Variants in UNC13C observed in about 807,000 individuals in gnomAD.
The protein encoded by UNC13C is protein unc-13 homolog C.
Under a neutral mutation model 245.4 loss-of-function variants are expected in UNC13C, and 174 were observed. That is an observed-to-expected ratio of 0.71 (90% CI 0.63 to 0.80). UNC13C has a LOEUF of 0.80. Ranked by LOEUF, UNC13C falls within the 30% of genes least tolerant of loss-of-function variation. UNC13C has a pLI of 0.00. For missense variants in UNC13C, 2,829 were observed against 2,602.9 expected, an observed-to-expected ratio of 1.09 and a Z score of -1.89; for synonymous variants, 992 against 895.1, an observed-to-expected ratio of 1.11 and a Z score of -1.93.
At chr15:53,937,870 G>A in the UNC13C span, among the ~76,000 whole-genome samples, 1 of 152,138 alleles carries the variant, frequency 6.6e-6, no homozygotes, top group Non-Finnish European at 1.5e-5. Context: ...CCTTGTGAGA[G>A]GTCCCGAAGG....
chr15:53,863,183 G>C, the UNC13C span, among the ~76,000 whole-genome samples: 18 of 152,180 alleles, frequency 1.2e-4, no homozygotes, highest in Non-Finnish European at 2.4e-4. Flanking sequence ...AGAGGTGACA[G>C]GTCCCAAGCA....
intron 8 of UNC13C, 99 bp downstream of exon 8, chr15:54,250,543 T>A: frequency 1.9e-6 from 2 of 1,072,152 alleles, no homozygotes; most frequent in South Asian, 3.3e-5. Flanking sequence ...TGTCAAGAAA[T>A]CCTACCCGCT....
chr15:54,092,951 C>G (rs1332655015), intron 2 of UNC13C, among the ~76,000 whole-genome samples: 2 of 152,088 alleles, frequency 1.3e-5, no homozygotes, highest in African/African-American at 4.8e-5. Flanking sequence ...GACACAAAAT[C>G]TTCCTCTGAG....
At chr15:54,179,211 GT>G (rs1235463360) in intron 4 of UNC13C, among the ~76,000 whole-genome samples, 2 of 152,042 alleles carry the variant, frequency 1.3e-5, no homozygotes, top group Admixed American at 6.6e-5. Flanking sequence ...GATCCTTTAT[GT>G]TTCCTTAATA....
chr15:54,395,140 G>A (rs1384197358), intron 18 of UNC13C, among the ~76,000 whole-genome samples: 1 of 151,588 alleles, frequency 6.6e-6, no homozygotes, highest in Non-Finnish European at 1.5e-5. Flanking sequence ...TAAGGATGCT[G>A]TAAAACTTTT....
At chr15:54,060,632 G>A (rs1355221404) in intron 2 of UNC13C, among the ~76,000 whole-genome samples, 1 of 151,890 alleles carries the variant, frequency 6.6e-6, no homozygotes, top group Non-Finnish European at 1.5e-5. Context: ...ATACCCAAAG[G>A]ATTATAAATC....
chr15:54,090,956 G>A (rs1456537628), intron 2 of UNC13C, among the ~76,000 whole-genome samples: 1 of 151,816 alleles, frequency 6.6e-6, no homozygotes, highest in African/African-American at 2.4e-5. Context: ...TGAGGCCTCT[G>A]TGCAGAGAGA....
chr15:54,627,129 C>CTAAATACA lies in UNC13C; in HGVS notation c.*20_*27dup. The CTAAATACA allele has an allele frequency of 6.3e-7, 1 of 1,594,914 alleles. No homozygotes were observed. The highest frequency in any genetic ancestry group is 1.1e-5 in the South Asian group (1 of 88,186). The stretch of plus-strand genomic sequence containing the variant: ...GAGTGCTTGAAACAAACACTGCAAG[C>CTAAATACA]TAAATACATAACTATAATTGTTTGA... On this transcript the variant is annotated 3_prime_UTR_variant, in exon 33 of 33. Coordinates refer to ENST00000260323, the MANE Select transcript of UNC13C (RefSeq NM_001080534.3).
chr15:54,624,188 TAA>T (rs1264214860), intron 32 of UNC13C, among the ~76,000 whole-genome samples: 2 of 151,882 alleles, frequency 1.3e-5, no homozygotes, highest in East Asian at 3.8e-4. Context: ...TGCACTCATA[TAA>T]GTTACTTTCT....
chr15:54,581,520 TGA>T (rs564498026), intron 30 of UNC13C, among the ~76,000 whole-genome samples: 195 of 152,320 alleles, frequency 1.3e-3, no homozygotes, highest in African/African-American at 4.5e-3. Context: ...TTCACATGGC[TGA>T]GAGAGAGATC....
intron 19 of UNC13C, among the ~76,000 whole-genome samples, chr15:54,456,350 C>T (rs1369469348): frequency 6.6e-6 from 1 of 151,990 alleles, no homozygotes; most frequent in African/African-American, 2.4e-5. Flanking sequence ...TTTTTGGTTC[C>T]ATATGAACTT....
intron 19 of UNC13C, among the ~76,000 whole-genome samples, chr15:54,438,181 C>T (rs1890323479): frequency 6.6e-6 from 1 of 151,900 alleles, no homozygotes; most frequent in Non-Finnish European, 1.5e-5. Context: ...GTAAAATCAC[C>T]TATCCAGCAG....
chr15:54,244,785 C>T (rs908778155), intron 7 of UNC13C, among the ~76,000 whole-genome samples: 2 of 151,964 alleles, frequency 1.3e-5, no homozygotes, highest in Non-Finnish European at 2.9e-5. Context: ...CTGTTGTTTG[C>T]GTATAGAGAT....
At chr15:53,942,688 G>C in the UNC13C span, among the ~76,000 whole-genome samples, 1 of 152,102 alleles carries the variant, frequency 6.6e-6, no homozygotes, top group Non-Finnish European at 1.5e-5. Context: ...TTTTGAGACA[G>C]AGTCTCACTC....
chr15:54,066,683 G>T (rs1042267076), intron 2 of UNC13C, among the ~76,000 whole-genome samples: 1 of 152,176 alleles, frequency 6.6e-6, no homozygotes, highest in African/African-American at 2.4e-5. Flanking sequence ...AGTTCATGAA[G>T]TTTCTAGGCA....
intron 19 of UNC13C, among the ~76,000 whole-genome samples, chr15:54,445,624 C>T (rs1459640685): frequency 1.3e-5 from 2 of 152,184 alleles, no homozygotes; most frequent in African/African-American, 2.4e-5. Context: ...ATATCCTCTG[C>T]CCAGTTGTTG....
intron 2 of UNC13C, among the ~76,000 whole-genome samples, chr15:54,105,770 G>GT (rs1900414307): frequency 6.6e-6 from 1 of 152,238 alleles, no homozygotes; most frequent in African/African-American, 2.4e-5. Context: ...TGAAGAGTAT[G>GT]TAAGTGGTGG....
chr15:53,846,689 A>G, the UNC13C span, among the ~76,000 whole-genome samples: 15 of 152,276 alleles, frequency 9.9e-5, no homozygotes, highest in East Asian at 2.9e-3. Context: ...ACAAATTTTT[A>G]AAAAAATTGT....
At chr15:54,465,110 G>C (rs1294364993) in intron 19 of UNC13C, among the ~76,000 whole-genome samples, 1 of 151,918 alleles carries the variant, frequency 6.6e-6, no homozygotes, top group Admixed American at 6.6e-5. Flanking sequence ...GAATATGCTT[G>C]TGAGGTACCA....
Sources: gnomAD v4.1 joint callset for allele counts (sites outside exome capture counted in the v4.1 genomes callset) on GRCh38, gnomAD v4.1.1 for gene constraint, MANE v1.5 for transcripts, NCBI Gene and HGNC (gene_info 2026-07-23, HGNC 2026-07-21) for gene names.